The following FNDC3A variants were observed in gnomAD, a reference collection of about 807,000 sequenced individuals.
The protein encoded by FNDC3A is fibronectin type III domain containing 3A.
A neutral mutation model predicts 148.9 loss-of-function variants in FNDC3A; 32 were observed. That is an observed-to-expected ratio of 0.21 (90% confidence interval 0.16 to 0.29). The LOEUF (loss-of-function observed/expected upper bound fraction) is 0.29, where lower values mean the gene tolerates loss of function less well. Ranked by LOEUF, FNDC3A falls within the 10% of genes least tolerant of loss-of-function variation. FNDC3A has a pLI of 1.00. For synonymous variants in FNDC3A, 472 were observed against 473.6 expected (o/e 1.00, Z 0.04); for missense variants, 1,191 against 1,452.8 (o/e 0.82, Z 2.93).
At chr13:49,197,111 T>C (rs1447472926) in intron 20 of FNDC3A, 121 bp downstream of exon 20, 2 of 496,190 alleles carry the variant, frequency 4.0e-6, no homozygotes, top group Non-Finnish European at 6.9e-6. Context: ...CCTAGTTTAA[T>C]TCACATGAAA....
intron 3 of FNDC3A, among the ~76,000 whole-genome samples, chr13:49,111,258 C>T (rs139537335): frequency 6.4e-4 from 98 of 152,258 alleles, no homozygotes; most frequent in African/African-American, 2.0e-3. Flanking sequence ...TTTAAGGTTT[C>T]GCTACTATAG....
chr13:49,068,861 A>G (rs535895204), intron 2 of FNDC3A, among the ~76,000 whole-genome samples: 3 of 152,336 alleles, frequency 2.0e-5, no homozygotes, highest in East Asian at 3.9e-4. Context: ...ATGAGAACAC[A>G]TGGACATAAA....
intron 3 of FNDC3A, among the ~76,000 whole-genome samples, chr13:49,082,645 G>A (rs1878554587): frequency 6.6e-6 from 1 of 151,984 alleles, no homozygotes; most frequent in Admixed American, 6.6e-5. Context: ...AGTGGGAATG[G>A]GAGAGGTGAG....
At chr13:49,182,120 C>G (rs527498799) in intron 14 of FNDC3A, among the ~76,000 whole-genome samples, 60 of 152,108 alleles carry the variant, frequency 3.9e-4, no homozygotes, top group Admixed American at 8.5e-4. Context: ...TAAGCTGGGA[C>G]TACAGGCATG....
intron 4 of FNDC3A, among the ~76,000 whole-genome samples, chr13:49,123,065 G>A (rs921810379): frequency 6.6e-6 from 1 of 152,102 alleles, no homozygotes; most frequent in East Asian, 1.9e-4. Context: ...AAAGAACAGG[G>A]CTGGAGACAT....
At chr13:49,181,951 T>A (rs1245566387) in intron 14 of FNDC3A, among the ~76,000 whole-genome samples, 1 of 152,070 alleles carries the variant, frequency 6.6e-6, no homozygotes, top group Non-Finnish European at 1.5e-5. Flanking sequence ...AAAATTTAAA[T>A]GATAAAGAAG....
intron 3 of FNDC3A, among the ~76,000 whole-genome samples, chr13:49,075,952 G>T (rs1179544526): frequency 6.6e-6 from 1 of 151,934 alleles, no homozygotes; most frequent in African/African-American, 2.4e-5. Context: ...CAGTTCTTTG[G>T]TCAGCGGGAC....
intron 3 of FNDC3A, among the ~76,000 whole-genome samples, chr13:49,084,468 A>T (rs1359768536): frequency 6.6e-6 from 1 of 152,236 alleles, no homozygotes; most frequent in East Asian, 1.9e-4. Context: ...ATTTAAGATT[A>T]TACAGTTATA....
chr13:48,997,228 A>C (rs146481691), intron 1 of FNDC3A, among the ~76,000 whole-genome samples: 70 of 152,308 alleles, frequency 4.6e-4, no homozygotes, highest in African/African-American at 1.6e-3. Context: ...CCCCAGACCA[A>C]GCTTATTCTC....
At chr13:49,050,569 C>T (rs1462422640) in intron 2 of FNDC3A, among the ~76,000 whole-genome samples, 1 of 152,110 alleles carries the variant, frequency 6.6e-6, no homozygotes, top group African/African-American at 2.4e-5. Flanking sequence ...ATCATATGGT[C>T]CATCTTGAAG....
At chr13:49,018,068 C>T (rs1016003528) in intron 2 of FNDC3A, among the ~76,000 whole-genome samples, 1 of 151,652 alleles carries the variant, frequency 6.6e-6, no homozygotes, top group Admixed American at 6.6e-5. Context: ...GTGAATCTGA[C>T]AATTATGTGT....
intron 1 of FNDC3A, among the ~76,000 whole-genome samples, chr13:48,993,017 C>G (rs946786836): frequency 7.2e-5 from 11 of 152,130 alleles, no homozygotes; most frequent in Non-Finnish European, 4.4e-5. Flanking sequence ...ATCATACTCT[C>G]CTAGTATATT....
chr13:49,077,507 G>T (rs189499260), intron 3 of FNDC3A, among the ~76,000 whole-genome samples: 1 of 152,180 alleles, frequency 6.6e-6, no homozygotes, highest in African/African-American at 2.4e-5. Flanking sequence ...AATCAGCTCA[G>T]TAATTAAAAT....
chr13:49,091,403 C>G (rs190718939), intron 3 of FNDC3A, among the ~76,000 whole-genome samples: 13 of 152,118 alleles, frequency 8.5e-5, no homozygotes, highest in African/African-American at 2.4e-4. Flanking sequence ...AAACAACTCT[C>G]TTAAAGATGC....
chr13:49,094,334 T>C (rs79559322), intron 3 of FNDC3A, among the ~76,000 whole-genome samples: 6,231 of 152,184 alleles, frequency 0.041, 393 homozygotes, highest in African/African-American at 0.13. Context: ...GCTTTTCCAA[T>C]TCATTTTACT....
intron 7 of FNDC3A, among the ~76,000 whole-genome samples, chr13:49,140,531 A>AT (rs1882629936): frequency 2.6e-5 from 4 of 152,166 alleles, no homozygotes; most frequent in Admixed American, 2.6e-4. Flanking sequence ...CTTTGATTAA[A>AT]TTAATTGTGA....
intron 2 of FNDC3A, among the ~76,000 whole-genome samples, chr13:49,022,142 C>T (rs936444457): frequency 1.3e-5 from 2 of 152,116 alleles, no homozygotes; most frequent in Admixed American, 1.3e-4. Flanking sequence ...TTTGTTGATA[C>T]ATGTTAAGCT....
intron 4 of FNDC3A, among the ~76,000 whole-genome samples, chr13:49,116,299 T>C (rs779491851): frequency 6.6e-6 from 1 of 152,216 alleles, no homozygotes. Context: ...CATAAACTTA[T>C]GAAATGTGTA....
intron 1 of FNDC3A, among the ~76,000 whole-genome samples, chr13:49,000,414 T>G (rs770014999): frequency 7.9e-5 from 12 of 152,226 alleles, no homozygotes; most frequent in Non-Finnish European, 1.6e-4. Context: ...ATTTCTAGGC[T>G]CTCTATTCTA....
Sources: gnomAD v4.1 joint callset for allele counts (sites outside exome capture counted in the v4.1 genomes callset) on GRCh38, gnomAD v4.1.1 for gene constraint, MANE v1.5 for transcripts, NCBI Gene and HGNC (gene_info 2026-07-23, HGNC 2026-07-21) for gene names.